Variants in RGS20 observed in about 807,000 individuals in gnomAD.
The protein encoded by RGS20 is regulator of G protein signaling 20, also known as gz-selective GTPase-activating protein.
RGS20 carries 30 observed loss-of-function variants against 33.6 expected under a neutral mutation model. That is an observed-to-expected ratio of 0.89 (90% confidence interval 0.67 to 1.21). The LOEUF is 1.21. Among genes scored for constraint, RGS20 ranks in the 50% most tolerant of loss-of-function variants. The pLI, the probability that RGS20 is intolerant of heterozygous loss-of-function variation, is 0.00. For missense variants in RGS20, 472 were observed against 502.4 expected (o/e 0.94, Z 0.58); for synonymous variants, 208 against 197.9 (o/e 1.05, Z -0.43).
chr8:53,886,610 TTA>T (rs1812553815), intron 2 of RGS20, among the ~76,000 whole-genome samples: 1 of 152,202 alleles, frequency 6.6e-6, no homozygotes. Flanking sequence ...TCATGCAAAG[TTA>T]TCTGATAGCT....
chr8:53,927,526 C>G (rs1020561971), intron 2 of RGS20, among the ~76,000 whole-genome samples: 1 of 152,036 alleles, frequency 6.6e-6, no homozygotes, highest in Non-Finnish European at 1.5e-5. Context: ...TTTGAAATCC[C>G]ACACATGTTA....
chr8:53,955,529 T>C (rs1165877764), intron 5 of RGS20, among the ~76,000 whole-genome samples: 1 of 152,078 alleles, frequency 6.6e-6, no homozygotes, highest in Non-Finnish European at 1.5e-5. Context: ...TTTCTTCAAA[T>C]CTAAAATGTA....
chr8:53,888,727 A>G (rs745932216), intron 2 of RGS20, among the ~76,000 whole-genome samples: 10 of 152,140 alleles, frequency 6.6e-5, no homozygotes, highest in Non-Finnish European at 1.5e-4. Flanking sequence ...GCTTCCTTCC[A>G]TTCAGGACTC....
intron 2 of RGS20, among the ~76,000 whole-genome samples, chr8:53,927,461 T>C (rs1452418163): frequency 6.6e-6 from 1 of 152,148 alleles, no homozygotes; most frequent in Non-Finnish European, 1.5e-5. Flanking sequence ...CGCCTCATCC[T>C]CCTAAAGTGC....
chr8:53,899,039 T>C (rs889559400), intron 2 of RGS20, among the ~76,000 whole-genome samples: 2 of 152,220 alleles, frequency 1.3e-5, no homozygotes, highest in African/African-American at 2.4e-5. Flanking sequence ...AGGAACTTTA[T>C]GTTCCCAGCT....
chr8:53,930,700 C>A (rs1182299843), intron 2 of RGS20, among the ~76,000 whole-genome samples: 1 of 152,110 alleles, frequency 6.6e-6, no homozygotes, highest in South Asian at 2.1e-4. Flanking sequence ...TGTGTGCCAC[C>A]ACACTCAGCT....
chr8:53,886,306 T>G (rs2129276302), intron 2 of RGS20, among the ~76,000 whole-genome samples: 1 of 152,174 alleles, frequency 6.6e-6, no homozygotes, highest in South Asian at 2.1e-4. Flanking sequence ...ACAATCAAGT[T>G]TGATGTGGCT....
At chr8:53,918,143 T>C (rs545980124) in intron 2 of RGS20, among the ~76,000 whole-genome samples, 25 of 152,330 alleles carry the variant, frequency 1.6e-4, no homozygotes, top group African/African-American at 5.5e-4. Context: ...TCAGTAGTTC[T>C]TAGCACAGTC....
At chr8:53,912,714 A>G (rs1300123591) in intron 2 of RGS20, among the ~76,000 whole-genome samples, 2 of 152,122 alleles carry the variant, frequency 1.3e-5, no homozygotes, top group Admixed American at 1.3e-4. Flanking sequence ...TGTATATGTG[A>G]TTTCTTCATC....
chr8:53,925,723 G>A (rs1483027260), intron 2 of RGS20, among the ~76,000 whole-genome samples: 2 of 151,560 alleles, frequency 1.3e-5, no homozygotes, highest in African/African-American at 2.4e-5. Context: ...CAACAAGAGC[G>A]AAACTCAGTC....
chr8:53,871,342 C>T (rs1422503673), intron 1 of RGS20, among the ~76,000 whole-genome samples: 3 of 151,926 alleles, frequency 2.0e-5, no homozygotes, highest in African/African-American at 7.3e-5. Context: ...AGTTCCAACC[C>T]ATTTAAAACT....
chr8:53,906,979 T>G (rs976385330), intron 2 of RGS20, among the ~76,000 whole-genome samples: 1 of 152,202 alleles, frequency 6.6e-6, no homozygotes, highest in African/African-American at 2.4e-5. Context: ...TTACCAAAGC[T>G]GTAAAATCCC....
At chr8:53,952,500 T>A (rs183040281) in intron 4 of RGS20, among the ~76,000 whole-genome samples, 139 of 149,824 alleles carry the variant, frequency 9.3e-4, no homozygotes, top group Non-Finnish European at 1.4e-3. Context: ...CCAAGGTGGG[T>A]GGATCACCTG....
intron 2 of RGS20, among the ~76,000 whole-genome samples, chr8:53,902,998 T>A (rs532034229): frequency 6.6e-5 from 10 of 152,336 alleles, no homozygotes; most frequent in South Asian, 6.2e-4. Flanking sequence ...AGTGCTGGGA[T>A]CACAGGTGTG....
chr8:53,952,371 T>C (rs1814737005), intron 4 of RGS20, among the ~76,000 whole-genome samples: 1 of 134,160 alleles, frequency 7.5e-6, no homozygotes, highest in African/African-American at 2.8e-5. Flanking sequence ...AGAAACTTAA[T>C]GTTGGGTGGA....
intron 2 of RGS20, among the ~76,000 whole-genome samples, chr8:53,934,265 G>A (rs1487787338): frequency 1.3e-5 from 2 of 152,102 alleles, no homozygotes; most frequent in African/African-American, 4.8e-5. Flanking sequence ...ACAATATTAA[G>A]CTTAAATGTA....
chr8:53,945,925 C>G (rs970472356), intron 3 of RGS20, among the ~76,000 whole-genome samples: 1 of 151,818 alleles, frequency 6.6e-6, no homozygotes, highest in African/African-American at 2.4e-5. Context: ...CAACAATAAC[C>G]AGTTACAAGA....
In RGS20 at chr8:53,901,192, C is replaced by T. The variant is rs890417153; in HGVS notation, c.510+21590C>T. Among the ~76,000 whole-genome samples the T allele has an allele frequency of 9.2e-5, 14 of 151,942 alleles. No homozygotes were observed. In the Middle Eastern group the frequency reaches 0.017, roughly 185 times the overall value. On this transcript the variant is annotated intron_variant, in intron 2 of 5. Coordinates refer to ENST00000297313, the MANE Select transcript of RGS20 (RefSeq NM_170587.4). ...AAGTGATTCTCCTGCTTCAGCCTCC[C>T]GAGTAGCTGGGACTACAGATGCCCG... is the stretch of plus-strand genomic sequence containing the variant.
chr8:53,914,939 G>T (rs1345842873), intron 2 of RGS20: 1 of 152,294 alleles, frequency 6.6e-6, no homozygotes, highest in Non-Finnish European at 1.5e-5. Flanking sequence ...GAGGTCAGGA[G>T]TTTGAGGCCA....
Sources: allele counts gnomAD v4.1 joint callset (sites outside exome capture counted in the v4.1 genomes callset), GRCh38; gene constraint gnomAD v4.1.1; transcripts MANE v1.5; gene names NCBI Gene and HGNC (gene_info 2026-07-23, HGNC 2026-07-21).